The following PLA2G6 variants were observed in gnomAD, a reference collection of about 807,000 sequenced individuals.
The protein encoded by PLA2G6 is phospholipase A2 group VI.
A neutral mutation model predicts 83.8 loss-of-function variants in PLA2G6; 62 were observed. The observed-to-expected ratio is 0.74, with a 90% CI of 0.60 to 0.91. The LOEUF is 0.91. PLA2G6 is among the 40% of genes least tolerant of loss of function. The pLI is 0.00. For missense variants in PLA2G6, 944 were observed against 1,102.0 expected (o/e 0.86, Z 2.03); for synonymous variants, 417 against 449.8 (o/e 0.93, Z 0.92).
At chr22:38,121,819 C>T (rs758925641) in intron 11 of PLA2G6, among the ~76,000 whole-genome samples, 8 of 152,174 alleles carry the variant, frequency 5.3e-5, no homozygotes, top group Non-Finnish European at 1.2e-4. Context: ...CTCGTGCCCG[C>T]CCTTGGACCC....
In PLA2G6 at chr22:38,133,009, G is replaced by A. The variant is rs760288531; in HGVS notation, c.899C>T (p.Ala300Val). 6.4e-7 allele frequency: 1 copy of A among 1,561,792 alleles called. No homozygotes were observed. Among genetic ancestry groups the A allele is most frequent in the African/African-American group, 1.4e-5 (1 of 73,974 alleles). Residue 300 changes from alanine (A) to valine (V), a missense_variant, in exon 7 of 17, where the codon GCC (alanine) becomes GTC (valine). Transcript: ENST00000332509. ...GCAGCCCCGTTTCAGCAGCATGCGG[G>A]CCATCTGCGGGAGACGGTCAGGCTG... ...PLHWAKNAEM[A>V]RMLLKRGCNV... is the part of the protein sequence containing the mutation.
Position 38,143,003 on chromosome 22 carries a change from C to CA in PLA2G6, c.609+101dup. The CA allele has an allele frequency of 2.8e-6, 3 of 1,058,840 alleles. No individual in the cohort carries two copies. In the Admixed American group the frequency reaches 5.1e-5, roughly 18 times the overall value. The allele number at this position is 1,058,840 out of a possible 1,614,324, so 65.6% of individuals were successfully genotyped here. On this transcript the variant is annotated intron_variant, in intron 4 of 16. Transcript: ENST00000332509. ...TCAGGCCTCAAGGACCAATGGGGGA[C>CA]AGTGAGAGGCCTGAGAGTGACACCT...
chr22:38,177,219 A>G (rs1351237871), intron 1 of PLA2G6, among the ~76,000 whole-genome samples: 1 of 152,092 alleles, frequency 6.6e-6, no homozygotes, highest in Admixed American at 6.6e-5. Flanking sequence ...CAGGTGCTCA[A>G]TCTGTGGGTG....
intron 7 of PLA2G6, 98 bp from the exon 8 acceptor site, chr22:38,129,660 C>T (rs2088089415): frequency 3.5e-6 from 3 of 847,220 alleles, no homozygotes; most frequent in Admixed American, 1.9e-5. Context: ...ACTCACCCAG[C>T]GGGCCTCTCC....
In PLA2G6 at chr22:38,132,796, G is replaced by T; in HGVS notation, c.1077+35C>A. On this transcript the variant is annotated intron_variant, in intron 7 of 16. Coordinates refer to ENST00000332509, the MANE Select transcript of PLA2G6 (RefSeq NM_003560.4). The surrounding 1 kb of genome is among the most constrained non-coding windows in gnomAD (Gnocchi z 5.0). ...ACAGCCCTCCTGCATTCCCACCGGG[G>T]CCCCACAGGGCAGGACACGCGGTCC... The T allele has an allele frequency of 6.5e-7, 1 of 1,527,066 alleles. No homozygotes were observed. The highest frequency in any genetic ancestry group is 8.8e-7 in the Non-Finnish European group (1 of 1,137,336). The allele number at this position is 1,527,066 out of a possible 1,614,324, so 94.6% of individuals were successfully genotyped here. A position where few individuals can be genotyped will look rare whatever the true frequency, so the allele number is the denominator to read the frequency against.
At chr22:38,164,247 G>A (rs563410265) in intron 2 of PLA2G6, among the ~76,000 whole-genome samples, 6 of 152,310 alleles carry the variant, frequency 3.9e-5, no homozygotes, top group Non-Finnish European at 7.4e-5. Flanking sequence ...CAGCCCAGGC[G>A]GGTGGAGCTC....
At chr22:38,176,134 C>T (rs1568981232) in intron 1 of PLA2G6, among the ~76,000 whole-genome samples, 1 of 152,198 alleles carries the variant, frequency 6.6e-6, no homozygotes, top group Non-Finnish European at 1.5e-5. Flanking sequence ...ACCTGCACTC[C>T]TTCAGGAGCG....
chr22:38,113,793 G>C (rs749847884), intron 14 of PLA2G6, 139 bp from the exon 15 acceptor site: 1 of 799,694 alleles, frequency 1.3e-6, no homozygotes, highest in Admixed American at 1.9e-5. Context: ...GCAAGAGCAT[G>C]CCTGGCATGA....
chr22:38,145,778 C>G (rs2089212885), intron 2 of PLA2G6, 125 bp from the exon 3 acceptor site: 2 of 665,024 alleles, frequency 3.0e-6, no homozygotes, highest in African/African-American at 3.9e-5. Flanking sequence ...ACTCCCCTCC[C>G]AAGCAAACAC....
chr22:38,145,055 T>G (rs927379087), intron 3 of PLA2G6: 1 of 217,464 alleles, frequency 4.6e-6, no homozygotes, highest in East Asian at 1.3e-4. Context: ...TTTTTTTTTT[T>G]CCTAGAGACA....
chr22:38,135,219 A>C, intron 5 of PLA2G6, 135 bp from the exon 6 acceptor site: 1 of 691,586 alleles, frequency 1.4e-6, no homozygotes, highest in Non-Finnish European at 2.6e-6. Flanking sequence ...CCCAACCAGC[A>C]CACTCACCAT....
chr22:38,165,248 T>C (rs1172551645), intron 2 of PLA2G6, among the ~76,000 whole-genome samples: 1 of 152,160 alleles, frequency 6.6e-6, no homozygotes, highest in Non-Finnish European at 1.5e-5. Flanking sequence ...ACAAACCTGA[T>C]CTACGCCAGG....
At chr22:38,133,313 C>A (rs1163792500) in intron 6 of PLA2G6, 2 of 505,596 alleles carry the variant, frequency 4.0e-6, no homozygotes, top group Non-Finnish European at 7.2e-6. Flanking sequence ...CCTCTGGGGC[C>A]TGTCCTGAAG....
intron 14 of PLA2G6, among the ~76,000 whole-genome samples, chr22:38,114,814 T>G (rs931660219): frequency 1.3e-5 from 2 of 152,208 alleles, no homozygotes; most frequent in Admixed American, 1.3e-4. Flanking sequence ...TGCCAAGGCC[T>G]CGCAGCCTCC....
At chr22:38,180,558 A>C (rs1170949317) in intron 1 of PLA2G6, among the ~76,000 whole-genome samples, 2 of 152,216 alleles carry the variant, frequency 1.3e-5, no homozygotes, top group African/African-American at 4.8e-5. Flanking sequence ...ACAAGAGGTG[A>C]TGAACAAACA....
chr22:38,149,616 T>C (rs575962592), intron 2 of PLA2G6: 3 of 152,310 alleles, frequency 2.0e-5, no homozygotes, highest in Admixed American at 2.0e-4. Flanking sequence ...TTTGAAAAGT[T>C]AATGTCTGCA....
At chr22:38,114,917 C>G (rs1054948340) in intron 14 of PLA2G6, among the ~76,000 whole-genome samples, 1 of 152,214 alleles carries the variant, frequency 6.6e-6, no homozygotes, top group Non-Finnish European at 1.5e-5. Flanking sequence ...AGGGTCTGAG[C>G]TCAGCCACCG....
intron 3 of PLA2G6, 108 bp downstream of exon 3, chr22:38,145,330 T>G (rs141481568): frequency 2.1e-6 from 2 of 940,690 alleles, no homozygotes; most frequent in Non-Finnish European, 3.4e-6. Context: ...TGCCAGGCCC[T>G]GCTCCTTTTT....
chr22:38,169,966 G>A (rs1351772359), intron 1 of PLA2G6, among the ~76,000 whole-genome samples: 1 of 152,174 alleles, frequency 6.6e-6, no homozygotes, highest in Admixed American at 6.5e-5. Context: ...GAGAGGCTGA[G>A]GCGGGCGGAT....
Sources: gnomAD v4.1 joint callset for allele counts (sites outside exome capture counted in the v4.1 genomes callset) on GRCh38, gnomAD v4.1.1 for gene constraint, Gnocchi (gnomAD v3.1) non-coding constraint, MANE v1.5 for transcripts, NCBI Gene and HGNC (gene_info 2026-07-23, HGNC 2026-07-21) for gene names.